The following DOK6 variants were observed in gnomAD, a reference collection of about 807,000 sequenced individuals.
The protein encoded by DOK6 is downstream of tyrosine kinase 6.
DOK6 carries 22 observed loss-of-function variants against 44.0 expected under a neutral mutation model. That is an observed-to-expected ratio of 0.50 (90% CI 0.36 to 0.71). DOK6 has a LOEUF of 0.71. Among genes scored for constraint, DOK6 ranks in the 30% least tolerant of loss-of-function variants. DOK6 has a pLI of 0.00. For synonymous variants in DOK6, 166 were observed against 145.5 expected, an observed-to-expected ratio of 1.14 and a Z score of -1.01; for missense variants, 340 against 416.4, an observed-to-expected ratio of 0.82 and a Z score of 1.60.
At chr18:69,586,862 G>T (rs1486454310) in intron 2 of DOK6, among the ~76,000 whole-genome samples, 1 of 152,120 alleles carries the variant, frequency 6.6e-6, no homozygotes, top group East Asian at 1.9e-4. Context: ...CACCTGCCCA[G>T]CCTCTGGGGG....
intron 1 of DOK6, among the ~76,000 whole-genome samples, chr18:69,502,333 A>T (rs1232613568): frequency 6.6e-6 from 1 of 152,086 alleles, no homozygotes; most frequent in East Asian, 1.9e-4. Context: ...GGAGAGGGTA[A>T]TTCAAGAAAA....
At chr18:69,402,079 G>A (rs1916112559) in intron 1 of DOK6, among the ~76,000 whole-genome samples, 1 of 152,196 alleles carries the variant, frequency 6.6e-6, no homozygotes, top group Non-Finnish European at 1.5e-5. Context: ...GGGACAGGAG[G>A]GGCTGTCACC....
At chr18:69,474,106 A>G (rs1980193312) in intron 1 of DOK6, among the ~76,000 whole-genome samples, 1 of 152,186 alleles carries the variant, frequency 6.6e-6, no homozygotes, top group South Asian at 2.1e-4. Flanking sequence ...ATATTTTTAA[A>G]TCCCTCATAT....
intron 1 of DOK6, among the ~76,000 whole-genome samples, chr18:69,474,732 C>G (rs1427994238): frequency 6.6e-6 from 1 of 152,054 alleles, no homozygotes; most frequent in Non-Finnish European, 1.5e-5. Flanking sequence ...AAAAGGTTTC[C>G]CAGTGCAAAA....
rs1489261284 is a variant in DOK6, at chr18:69,847,018, C to G, written c.*5635C>G. 1 of 152,106 alleles carries G rather than the reference C, an allele frequency of 6.6e-6. No homozygotes were observed. The highest frequency in any genetic ancestry group is 1.5e-5 in the Non-Finnish European group (1 of 68,014). 9.4% of individuals were successfully genotyped at this position (152,106 alleles called of 1,614,324 possible). On this transcript the variant is annotated 3_prime_UTR_variant, in exon 8 of 8. Coordinates refer to ENST00000382713, the MANE Select transcript of DOK6 (RefSeq NM_152721.6). ...ACATTATACTTGTAATTTTCAGACA[C>G]TTTTCTCCTACCTTAAGATTTTAAC...
intron 1 of DOK6, among the ~76,000 whole-genome samples, chr18:69,552,279 G>C (rs1982584620): frequency 6.6e-6 from 1 of 151,814 alleles, no homozygotes; most frequent in Non-Finnish European, 1.5e-5. Flanking sequence ...ACTTGGTTTA[G>C]GACATTTGGA....
chr18:69,735,972 G>A (rs779382561), intron 5 of DOK6, among the ~76,000 whole-genome samples: 16 of 152,074 alleles, frequency 1.1e-4, no homozygotes, highest in Non-Finnish European at 2.2e-4. Flanking sequence ...ATAAATTCTT[G>A]TTGCCAATTT....
At chr18:69,472,635 A>G (rs563326469) in intron 1 of DOK6, among the ~76,000 whole-genome samples, 9 of 152,038 alleles carry the variant, frequency 5.9e-5, no homozygotes, top group Middle Eastern at 6.8e-3. Flanking sequence ...TTTTTTCCCA[A>G]TCCCTCATCA....
At chr18:69,561,521 C>T (rs1982831753) in intron 1 of DOK6, among the ~76,000 whole-genome samples, 1 of 151,738 alleles carries the variant, frequency 6.6e-6, no homozygotes, top group Non-Finnish European at 1.5e-5. Context: ...AGTAAGGGGC[C>T]AAATAAGCAC....
chr18:69,539,987 T>A (rs765020061), intron 1 of DOK6, among the ~76,000 whole-genome samples: 4 of 152,092 alleles, frequency 2.6e-5, no homozygotes, highest in Non-Finnish European at 5.9e-5. Flanking sequence ...GGAGGCAGCA[T>A]CTTTCACAAG....
chr18:69,443,514 T>C (rs967831473), intron 1 of DOK6, among the ~76,000 whole-genome samples: 4 of 152,160 alleles, frequency 2.6e-5, no homozygotes, highest in Admixed American at 1.3e-4. Context: ...CCTGAACCCA[T>C]ATCTTTTTCT....
chr18:69,692,316 A>C (rs552876277), intron 4 of DOK6, among the ~76,000 whole-genome samples: 51 of 152,368 alleles, frequency 3.3e-4, no homozygotes, highest in African/African-American at 1.2e-3. Context: ...TGAATTAAAC[A>C]CTAATCTCTG....
At chr18:69,658,639 C>G (rs1449579472) in intron 3 of DOK6, among the ~76,000 whole-genome samples, 1 of 152,144 alleles carries the variant, frequency 6.6e-6, no homozygotes, top group South Asian at 2.1e-4. Flanking sequence ...CTTAGTTCTG[C>G]TACTTATATC....
intron 3 of DOK6, among the ~76,000 whole-genome samples, chr18:69,664,561 A>T (rs1270091438): frequency 6.6e-6 from 1 of 152,326 alleles, no homozygotes; most frequent in East Asian, 1.9e-4. Context: ...TAATGGTCAA[A>T]ACCACTAGCG....
At position 69,726,475 on chromosome 18, in the gene DOK6, G is replaced by A. The variant is rs527521166; in HGVS notation, c.600-12490G>A. ...CAAATTCAAACTATCTTAATGTCGC[G>A]TGTGAATGACCACAGCAGAAAGGAG... On this transcript the variant is annotated intron_variant, in intron 5 of 7. Transcript: ENST00000382713. Among the ~76,000 whole-genome samples the A allele has an allele frequency of 5.3e-5, 8 of 152,080 alleles. No homozygotes were observed. The East Asian group carries it at 1.3e-3, about 26-fold the overall frequency.
chr18:69,595,438 T>C (rs2144619521), intron 2 of DOK6, among the ~76,000 whole-genome samples: 1 of 152,340 alleles, frequency 6.6e-6, no homozygotes, highest in Admixed American at 6.5e-5. Context: ...AAAATTGATG[T>C]GGATGATCTG....
At chr18:69,544,033 T>C (rs12955806) in intron 1 of DOK6, among the ~76,000 whole-genome samples, 72,087 of 149,778 alleles carry the variant, frequency 0.48, 18,425 homozygotes, top group East Asian at 0.63. Context: ...CTGAGGTGGG[T>C]GGATCAGGAG....
chr18:69,423,597 A>G (rs577897882), intron 1 of DOK6, among the ~76,000 whole-genome samples: 1 of 152,336 alleles, frequency 6.6e-6, no homozygotes, highest in East Asian at 1.9e-4. Flanking sequence ...GGGTATGTGG[A>G]TAGAAGTAGA....
chr18:69,580,987 A>G (rs1384496322), intron 2 of DOK6, among the ~76,000 whole-genome samples: 1 of 152,212 alleles, frequency 6.6e-6, no homozygotes, highest in East Asian at 1.9e-4. Context: ...CCATGTTGCC[A>G]CACATGACAG....
Sources: gnomAD v4.1 joint callset for allele counts (sites outside exome capture counted in the v4.1 genomes callset) on GRCh38, gnomAD v4.1.1 for gene constraint, MANE v1.5 for transcripts, NCBI Gene and HGNC (gene_info 2026-07-23, HGNC 2026-07-21) for gene names.